The following MYO1E variants were observed in gnomAD, a reference collection of about 807,000 sequenced individuals.
MYO1E encodes unconventional myosin-Ie.
MYO1E carries 68 observed loss-of-function variants against 151.1 expected under a neutral mutation model. The ratio of observed to expected loss-of-function variants is 0.45; its 90% CI spans 0.37 to 0.55. The LOEUF (loss-of-function observed/expected upper bound fraction) is 0.55. Among genes scored for constraint, MYO1E ranks in the 20% least tolerant of loss-of-function variants. The pLI is 0.00. For missense variants in MYO1E, 1,363 were observed against 1,389.3 expected, an observed-to-expected ratio of 0.98 and a Z score of 0.30; for synonymous variants, 601 against 501.7, an observed-to-expected ratio of 1.20 and a Z score of -2.64.
At chr15:59,206,477 A>G (rs1307994145) in intron 14 of MYO1E, among the ~76,000 whole-genome samples, 1 of 152,172 alleles carries the variant, frequency 6.6e-6, no homozygotes, top group Non-Finnish European at 1.5e-5. Context: ...CAGGCGCCCA[A>G]TTCTGGGACA....
chr15:59,190,146 T>C (rs987178180), intron 17 of MYO1E, among the ~76,000 whole-genome samples: 1 of 152,206 alleles, frequency 6.6e-6, no homozygotes, highest in Non-Finnish European at 1.5e-5. Context: ...AAATTGGGCC[T>C]GGGCTGCGTG....
chr15:59,141,898 G>GAGAT (rs1266694306), intron 26 of MYO1E, among the ~76,000 whole-genome samples: 2 of 151,768 alleles, frequency 1.3e-5, no homozygotes, highest in Non-Finnish European at 2.9e-5. Context: ...ATGAGGTCAG[G>GAGAT]AGATAGAGAC....
chr15:59,236,207 G>A (rs2080062137), intron 5 of MYO1E, among the ~76,000 whole-genome samples: 1 of 151,898 alleles, frequency 6.6e-6, no homozygotes, highest in Non-Finnish European at 1.5e-5. Context: ...GCTGGGCATG[G>A]TGGGGCACAC....
In MYO1E at chr15:59,226,844, G is replaced by A. The variant is rs1295593094; in HGVS notation, c.642+615C>T. Among the ~76,000 whole-genome samples the A allele has an allele frequency of 3.3e-5, 5 of 152,152 alleles. No homozygotes were observed. In the East Asian group the frequency reaches 7.7e-4, roughly 23 times the overall value. ...AAATAAAATAAAAGTAGCTGACTCA[G>A]ATGACTGCTGAAGCCTGTAACATAA... On this transcript the variant is annotated intron_variant, in intron 7 of 27. Coordinates refer to ENST00000288235, the MANE Select transcript of MYO1E (RefSeq NM_004998.4).
intron 1 of MYO1E, among the ~76,000 whole-genome samples, chr15:59,340,805 C>T (rs148906454): frequency 0.016 from 2,391 of 151,766 alleles, 61 homozygotes; most frequent in African/African-American, 0.054. Flanking sequence ...GGGAGGATCA[C>T]GAGGTCAGCA....
chr15:59,337,617 G>A (rs1410528097), intron 1 of MYO1E, among the ~76,000 whole-genome samples: 1 of 152,178 alleles, frequency 6.6e-6, no homozygotes, highest in Non-Finnish European at 1.5e-5. Flanking sequence ...AATCACTTGA[G>A]GTCAAGAGTT....
chr15:59,310,194 G>A (rs527881455), intron 1 of MYO1E, among the ~76,000 whole-genome samples: 1 of 152,272 alleles, frequency 6.6e-6, no homozygotes, highest in African/African-American at 2.4e-5. Context: ...ACATGACACT[G>A]CCAAGTTGAC....
rs1481163406 is a variant in MYO1E, at chr15:59,132,983, T to TTAAA, written c.*4393_*4396dup. The TTAAA allele has an allele frequency of 6.6e-6, 1 of 152,240 alleles. No homozygotes were observed. The highest frequency in any genetic ancestry group is 1.5e-5 in the Non-Finnish European group (1 of 68,052). The allele number at this position is 152,240 out of a possible 1,614,324, so 9.4% of individuals were successfully genotyped here. ...CGTGAGTTTTCTTCTCTCTCTCTTT[T>TTAAA]TAAATAGACTTTTATGTTCTGAGAG... On this transcript the variant is annotated 3_prime_UTR_variant, in exon 28 of 28. Transcript: ENST00000288235.
intron 1 of MYO1E, among the ~76,000 whole-genome samples, chr15:59,336,604 T>C (rs1349574693): frequency 6.6e-6 from 1 of 152,174 alleles, no homozygotes; most frequent in East Asian, 1.9e-4. Flanking sequence ...TTGTTTTGTT[T>C]TGTTTTTTAA....
chr15:59,188,366 T>A (rs1336176098), intron 17 of MYO1E, 150 bp from the exon 18 acceptor site: 1 of 702,722 alleles, frequency 1.4e-6, no homozygotes, highest in South Asian at 1.5e-5. Flanking sequence ...TGAGCTGACC[T>A]CTCAGATGAC....
At chr15:59,166,275 T>A (rs2079562407) in intron 22 of MYO1E, among the ~76,000 whole-genome samples, 1 of 152,240 alleles carries the variant, frequency 6.6e-6, no homozygotes, top group African/African-American at 2.4e-5. Flanking sequence ...AGCTTTCGTG[T>A]TTATTTATTC....
At position 59,163,219 on chromosome 15, in the gene MYO1E, G is replaced by T. The variant is rs1458298112; in HGVS notation, c.2565C>A (p.Ser855Arg). ...LESVFKTEFL[S>R]LLAKRYEEKT... ...TCTCCTCGTAACGCTTTGCTAAGAG[G>T]CTTAGGAATTCAGTTTTGAAGACAG... The change falls in exon 23 of 28, where the codon AGC becomes AGA. Residue 855 changes from serine to arginine, a missense_variant. Transcript: ENST00000288235. The T allele has an allele frequency of 2.5e-6, 4 of 1,614,132 alleles. No individual in the cohort carries two copies. The highest frequency in any genetic ancestry group is 3.4e-6 in the Non-Finnish European group (4 of 1,179,988).
chr15:59,262,710 C>T (rs568456790), intron 2 of MYO1E, among the ~76,000 whole-genome samples: 1 of 152,176 alleles, frequency 6.6e-6, no homozygotes, highest in African/African-American at 2.4e-5. Context: ...ATAAACCCAC[C>T]TACATCAGGT....
intron 16 of MYO1E, among the ~76,000 whole-genome samples, chr15:59,201,045 A>T (rs2079798369): frequency 6.6e-6 from 1 of 152,200 alleles, no homozygotes; most frequent in Non-Finnish European, 1.5e-5. Context: ...GTATGATTTT[A>T]AAAAATAGCT....
rs895207658 is a variant in MYO1E at position 59,229,343 on chromosome 15, T to C, written c.511-1753A>G. ...ACCAGGGCCCGGAGCTGTGTGGTTT[T>C]CAAAAAGCACCCAGCTGATTTTTAT... On this transcript the variant is annotated intron_variant, in intron 6 of 27. Coordinates refer to ENST00000288235, the MANE Select transcript of MYO1E (RefSeq NM_004998.4). Among the ~76,000 whole-genome samples the C allele has an allele frequency of 8.5e-5, 13 of 152,224 alleles. 1 individual carries two copies. Among genetic ancestry groups the C allele is most frequent in the Admixed American group, 5.2e-4 (8 of 15,288 alleles).
intron 1 of MYO1E, among the ~76,000 whole-genome samples, chr15:59,313,404 G>A (rs776221460): frequency 6.6e-6 from 1 of 152,080 alleles, no homozygotes; most frequent in East Asian, 1.9e-4. Context: ...TGGTTCTATG[G>A]GACAAGAAAT....
intron 1 of MYO1E, among the ~76,000 whole-genome samples, chr15:59,278,047 C>T (rs1049282416): frequency 3.3e-5 from 5 of 152,140 alleles, no homozygotes; most frequent in African/African-American, 1.2e-4. Context: ...TATAATTGAG[C>T]ATTTTCTGGG....
At chr15:59,268,034 T>C (rs576116594) in intron 2 of MYO1E, among the ~76,000 whole-genome samples, 8 of 152,272 alleles carry the variant, frequency 5.3e-5, no homozygotes, top group African/African-American at 1.2e-4. Context: ...GAATTAGATA[T>C]AGAAGGGATA....
chr15:59,263,321 T>C (rs1419184530), intron 2 of MYO1E, among the ~76,000 whole-genome samples: 1 of 152,178 alleles, frequency 6.6e-6, no homozygotes, highest in East Asian at 1.9e-4. Flanking sequence ...ATAAAATAAT[T>C]ATAGAACACT....
Sources: allele counts gnomAD v4.1 joint callset (sites outside exome capture counted in the v4.1 genomes callset), GRCh38; gene constraint gnomAD v4.1.1; transcripts MANE v1.5; gene names NCBI Gene and HGNC (gene_info 2026-07-23, HGNC 2026-07-21).